The following TMEM74 variants were observed in gnomAD, a reference collection of about 807,000 sequenced individuals.
TMEM74 encodes transmembrane protein 74.
TMEM74 carries 13 observed loss-of-function variants against 18.1 expected under a neutral mutation model. The ratio of observed to expected loss-of-function variants is 0.72; its 90% CI spans 0.47 to 1.14. The LOEUF is 1.14. Among genes scored for constraint, TMEM74 ranks in the 50% most tolerant of loss-of-function variants. The pLI is 0.00. For synonymous variants in TMEM74, 159 were observed against 146.6 expected (o/e 1.08, Z -0.61); for missense variants, 372 against 375.9 (o/e 0.99, Z 0.09).
At chr8:108,715,606 G>T (rs1289390357) in intron 1 of TMEM74, among the ~76,000 whole-genome samples, 1 of 152,064 alleles carries the variant, frequency 6.6e-6, no homozygotes, top group Non-Finnish European at 1.5e-5. Context: ...AATGTAGTTT[G>T]AATGACTTTT....
At chr8:108,775,527 T>C (rs973824431), downstream of TMEM74, among the ~76,000 whole-genome samples, 5 of 152,202 alleles carry the variant, frequency 3.3e-5, no homozygotes, top group South Asian at 2.1e-4. Flanking sequence ...CCAATAACCA[T>C]ATTAAAATTT....
At chr8:108,624,728 C>T (rs576576156) in intron 2 of TMEM74, among the ~76,000 whole-genome samples, 125 of 152,052 alleles carry the variant, frequency 8.2e-4, no homozygotes, top group Non-Finnish European at 1.3e-3. Flanking sequence ...GCCATATCTA[C>T]GTTTTCCTTT....
chr8:108,681,456 C>T (rs549470796), intron 1 of TMEM74, among the ~76,000 whole-genome samples: 1,568 of 152,272 alleles, frequency 0.01, 26 homozygotes, highest in African/African-American at 0.034. Flanking sequence ...GGAAAACTGG[C>T]TAGCCATATG....
chr8:108,745,976 C>G (rs930066869), intron 1 of TMEM74, among the ~76,000 whole-genome samples: 2 of 152,106 alleles, frequency 1.3e-5, no homozygotes, highest in African/African-American at 2.4e-5. Flanking sequence ...CTCACACGCA[C>G]CCCCTTAGAG....
At chr8:108,647,798 T>G (rs969444340) in intron 2 of TMEM74, among the ~76,000 whole-genome samples, 13 of 152,088 alleles carry the variant, frequency 8.5e-5, no homozygotes, top group African/African-American at 3.1e-4. Flanking sequence ...AAACAGGTGA[T>G]TTCAATATAG....
chr8:108,729,200 T>C (rs1813670480), intron 1 of TMEM74, among the ~76,000 whole-genome samples: 2 of 152,150 alleles, frequency 1.3e-5, no homozygotes, highest in African/African-American at 4.8e-5. Flanking sequence ...ATTCAGTTCC[T>C]TGTGGTTGTA....
At chr8:108,682,678 T>C (rs1379697262) in intron 1 of TMEM74, among the ~76,000 whole-genome samples, 1 of 152,038 alleles carries the variant, frequency 6.6e-6, no homozygotes, top group African/African-American at 2.4e-5. Context: ...GATTATGCAG[T>C]TTGTAATTAA....
At chr8:108,648,111 G>GT (rs1198665834) in intron 2 of TMEM74, among the ~76,000 whole-genome samples, 1 of 151,990 alleles carries the variant, frequency 6.6e-6, no homozygotes, top group Non-Finnish European at 1.5e-5. Context: ...GGTTCTTCCC[G>GT]TTTTTTTGCA....
In TMEM74 at chr8:108,617,706, CT is replaced by C. The variant is rs565663244; in HGVS notation, n.265-8881del. On this transcript the variant is annotated intron_variant and non_coding_transcript_variant, in intron 2 of 3. Transcript: ENST00000518838. ...TGGAATGAATGGAATATAAGGAGCC[CT>C]AGGGAGATGTGGGGGAGAGAAAGTG... Among the ~76,000 whole-genome samples the C allele has an allele frequency of 1.2e-4, 19 of 152,050 alleles. No homozygotes were observed. The South Asian group carries it at 2.9e-3, about 23-fold the overall frequency.
At chr8:108,649,196 T>C (rs748612498) in intron 2 of TMEM74, among the ~76,000 whole-genome samples, 15 of 152,266 alleles carry the variant, frequency 9.9e-5, no homozygotes, top group Non-Finnish European at 1.5e-4. Flanking sequence ...ATCTTGAGCA[T>C]GTTGCTTAAG....
In TMEM74 at chr8:108,756,599, A is replaced by AAAGAGAAAGGGAGG. The variant is rs1586286218; in HGVS notation, n.119+30876_119+30877insCCTCCCTTTCTCTT. ...AAGAAAGAAAGAAAGAAAGAAAGAG[A>AAAGAGAAAGGGAGG]AAGGAAGGAAGGAAGGAAGGAAGGA... On this transcript the variant is annotated intron_variant and non_coding_transcript_variant, in intron 1 of 3. Coordinates refer to the TMEM74 transcript ENST00000518838. Among the ~76,000 whole-genome samples, 63 of 51,544 alleles carry AAAGAGAAAGGGAGG rather than the reference A, an allele frequency of 1.2e-3. 2 individuals are homozygous for AAAGAGAAAGGGAGG. Among genetic ancestry groups the AAAGAGAAAGGGAGG allele is most frequent in the Middle Eastern group, 0.01 (1 of 96 alleles). The allele number at this position is 51,544 out of a possible 152,430, so 33.8% of individuals were successfully genotyped here.
intron 1 of TMEM74, among the ~76,000 whole-genome samples, chr8:108,660,704 A>T (rs1262488225): frequency 6.6e-6 from 1 of 152,174 alleles, no homozygotes; most frequent in Non-Finnish European, 1.5e-5. Context: ...TTCACACATC[A>T]TAAACCTGCC....
chr8:108,708,492 A>G (rs1365771203), intron 1 of TMEM74, among the ~76,000 whole-genome samples: 1 of 151,988 alleles, frequency 6.6e-6, no homozygotes, highest in Non-Finnish European at 1.5e-5. Context: ...ACTAACTTAT[A>G]CTACCACCCT....
At chr8:108,674,091 C>T (rs150176246) in intron 1 of TMEM74, among the ~76,000 whole-genome samples, 290 of 152,234 alleles carry the variant, frequency 1.9e-3, no homozygotes, top group Middle Eastern at 6.8e-3. Flanking sequence ...TAGGTAAGAA[C>T]CAATCCTTAG....
intron 2 of TMEM74, among the ~76,000 whole-genome samples, chr8:108,612,666 T>C (rs1174922054): frequency 2.0e-5 from 3 of 152,196 alleles, no homozygotes; most frequent in African/African-American, 7.2e-5. Flanking sequence ...ATGCATTTAG[T>C]ATAAAATAGG....
Position 108,724,680 on chromosome 8 carries a change from T to C in TMEM74, n.119+62796A>G, listed in dbSNP as rs551567565. Among the ~76,000 whole-genome samples, 80 of 152,340 alleles carry C rather than the reference T, an allele frequency of 5.3e-4. 3 individuals carry two copies. In the South Asian group the frequency reaches 0.016, roughly 30 times the overall value. On this transcript the variant is annotated intron_variant and non_coding_transcript_variant, in intron 1 of 3. Transcript: ENST00000518838. ...AAGCAGAACAAGTTAAAATTGCTTA[T>C]ACCTAGACTAAAGCACCTCACTATG...
chr8:108,687,091 G>A (rs1813177528), intron 1 of TMEM74, among the ~76,000 whole-genome samples: 1 of 151,884 alleles, frequency 6.6e-6, no homozygotes, highest in Non-Finnish European at 1.5e-5. Flanking sequence ...GTGTGGTAAG[G>A]TAATTTGCTC....
intron 1 of TMEM74, among the ~76,000 whole-genome samples, chr8:108,741,347 C>T (rs1813798064): frequency 6.6e-6 from 1 of 152,190 alleles, no homozygotes; most frequent in African/African-American, 2.4e-5. Context: ...AATTCACACA[C>T]ATGTCACAAT....
At position 108,655,804 on chromosome 8, in the gene TMEM74, C is replaced by T. The variant is rs192316118; in HGVS notation, n.120-367G>A. ...TAAATTGGATAGTAAACAAGGTTAC[C>T]ATCATATTTAACAGAAAGGTTCTTA... is the stretch of plus-strand genomic sequence containing the variant. On this transcript the variant is annotated intron_variant and non_coding_transcript_variant, in intron 1 of 3. Transcript: ENST00000518838. Among the ~76,000 whole-genome samples the T allele has an allele frequency of 3.4e-4, 52 of 152,062 alleles. No homozygotes were observed. The East Asian group carries it at 7.0e-3, about 20-fold the overall frequency.
Sources: allele counts gnomAD v4.1 joint callset (sites outside exome capture counted in the v4.1 genomes callset), GRCh38; gene constraint gnomAD v4.1.1; transcripts MANE v1.5; gene names NCBI Gene and HGNC (gene_info 2026-07-23, HGNC 2026-07-21).